PCLO: variants seen among roughly 807,000 people sequenced by gnomAD.
PCLO encodes protein piccolo.
Under a neutral mutation model 427.5 loss-of-function variants are expected in PCLO, and 82 were observed. The ratio of observed to expected loss-of-function variants is 0.19; its 90% CI spans 0.16 to 0.23. The LOEUF (loss-of-function observed/expected upper bound fraction) is 0.23, where lower values mean the gene tolerates loss of function less well. Ranked by LOEUF, PCLO falls within the 10% of genes least tolerant of loss-of-function variation. PCLO has a pLI of 1.00. For missense variants in PCLO, 6,239 were observed against 6,115.9 expected, an observed-to-expected ratio of 1.02 and a Z score of -0.67; for synonymous variants, 2,357 against 2,155.4, an observed-to-expected ratio of 1.09 and a Z score of -2.59.
chr7:83,059,221 A>G (rs1478782999), intron 3 of PCLO, among the ~76,000 whole-genome samples: 1 of 149,316 alleles, frequency 6.7e-6, no homozygotes, highest in Non-Finnish European at 1.5e-5. Context: ...GCACTTGTGG[A>G]ACATACGGTG....
chr7:83,142,280 G>A (rs1791881335), intron 2 of PCLO, among the ~76,000 whole-genome samples: 1 of 152,072 alleles, frequency 6.6e-6, no homozygotes, highest in African/African-American at 2.4e-5. Flanking sequence ...CTTCAATCGT[G>A]CTATTTTCCT....
intron 17 of PCLO, among the ~76,000 whole-genome samples, 163 bp from the exon 18 acceptor site, chr7:82,826,823 A>T (rs576527086): frequency 1.3e-5 from 2 of 152,196 alleles, no homozygotes; most frequent in East Asian, 1.9e-4. Flanking sequence ...ATTAAATATT[A>T]TGTAAAATTT....
chr7:83,007,764 T>C (rs1787984534), intron 3 of PCLO, among the ~76,000 whole-genome samples: 1 of 151,590 alleles, frequency 6.6e-6, no homozygotes, highest in Admixed American at 6.6e-5. Context: ...GTTAGTTCAC[T>C]GAGTAGAACC....
rs1041249927 is a variant in PCLO at position 82,884,603 on chromosome 7, G to T, written c.13529-5141C>A. On this transcript the variant is annotated intron_variant, in intron 9 of 24. Coordinates refer to ENST00000333891, the MANE Select transcript of PCLO (RefSeq NM_033026.6). Reference sequence around the variant, plus strand: ...GAAGCATAAAGACTAAATCTGAAGGGTTTGCCGGATACTTCTATAAAAGGC... The same window carrying T: ...GAAGCATAAAGACTAAATCTGAAGGTTTTGCCGGATACTTCTATAAAAGGC... 3.9e-5 allele frequency among the ~76,000 whole-genome samples: 6 copies of T among 152,048 alleles called. 1 individual carries two copies. The highest frequency in any genetic ancestry group is 3.3e-4 in the Admixed American group (5 of 15,264).
intron 3 of PCLO, among the ~76,000 whole-genome samples, chr7:83,009,792 T>G (rs895523047): frequency 2.0e-5 from 3 of 151,988 alleles, no homozygotes; most frequent in African/African-American, 7.2e-5. Context: ...TCCATACCCA[T>G]TATCTACAGA....
intron 3 of PCLO, among the ~76,000 whole-genome samples, chr7:83,045,294 G>A (rs1789076985): frequency 6.6e-6 from 1 of 152,056 alleles, no homozygotes; most frequent in Admixed American, 6.6e-5. Flanking sequence ...ATTGTATTGG[G>A]GGTGGAGAGA....
At chr7:82,933,994 T>TGA (rs139510730) in intron 6 of PCLO, among the ~76,000 whole-genome samples, 5,771 of 152,042 alleles carry the variant, frequency 0.038, 179 homozygotes, top group East Asian at 0.12. Context: ...TATGTTTACC[T>TGA]CACTTGCCAA....
intron 10 of PCLO, among the ~76,000 whole-genome samples, chr7:82,849,489 G>C (rs967969227): frequency 6.6e-6 from 1 of 152,082 alleles, no homozygotes; most frequent in Non-Finnish European, 1.5e-5. Context: ...ACACCATAGG[G>C]AAGATGACCA....
At chr7:83,067,944 G>C (rs77002794) in intron 3 of PCLO, among the ~76,000 whole-genome samples, 1 of 11,600 alleles carries the variant, frequency 8.6e-5, no homozygotes, top group Non-Finnish European at 1.2e-4. Context: ...CCAAGGTTTT[G>C]TTTACCTTCT....
At chr7:82,985,030 T>C (rs1388147635) in intron 3 of PCLO, among the ~76,000 whole-genome samples, 1 of 151,966 alleles carries the variant, frequency 6.6e-6, no homozygotes, top group Non-Finnish European at 1.5e-5. Context: ...ATTCCTAAAC[T>C]GGAATGTTTT....
At position 82,952,109 on chromosome 7, in the gene PCLO, T is replaced by C. The variant is rs758034111; in HGVS notation, c.8844A>G (p.Pro2948=). 6 of 1,613,950 alleles carry C rather than the reference T, an allele frequency of 3.7e-6. No individual in the cohort carries two copies. The South Asian group carries it at 4.4e-5, about 12-fold the overall frequency. Residue 2948 remains proline, a synonymous_variant, in exon 5 of 25, where the codon CCA becomes CCG. Coordinates refer to ENST00000333891, the MANE Select transcript of PCLO (RefSeq NM_033026.6). The stretch of plus-strand genomic sequence containing the variant: ...GCTGTGCTGTGCAGCTCCTTCCAAA[T>C]GGTAATTTATAAACCACATCACAGC... ...AVCCDVVYKL[P]FGRSCTAQQP... is the part of the protein sequence containing the mutation.
At chr7:82,980,077 C>G (rs1473103945) in intron 3 of PCLO, among the ~76,000 whole-genome samples, 1 of 151,928 alleles carries the variant, frequency 6.6e-6, no homozygotes, top group African/African-American at 2.4e-5. Context: ...AGAACATAGT[C>G]CATTCTGTTT....
intron 7 of PCLO, among the ~76,000 whole-genome samples, chr7:82,912,754 T>C (rs1274938889): frequency 6.6e-6 from 1 of 152,082 alleles, no homozygotes; most frequent in Non-Finnish European, 1.5e-5. Context: ...TATTCTGTTA[T>C]TTTTATATGG....
chr7:82,797,338 G>T (rs962194733), intron 22 of PCLO, among the ~76,000 whole-genome samples: 7 of 152,110 alleles, frequency 4.6e-5, no homozygotes, highest in Admixed American at 2.0e-4. Flanking sequence ...CTACTACATG[G>T]ATGCTCACTG....
At position 82,760,943 on chromosome 7, in the gene PCLO, C is replaced by CTTTTTTTTT. The variant is rs767222339; in HGVS notation, c.15143-168_15143-160dup. 1.5e-3 allele frequency among the ~76,000 whole-genome samples: 89 copies of CTTTTTTTTT among 60,396 alleles called. 8 individuals are homozygous for CTTTTTTTTT. Among genetic ancestry groups the CTTTTTTTTT allele is most frequent in the African/African-American group, 5.5e-3 (85 of 15,340 alleles). The allele number at this position is 60,396 out of a possible 152,430, so 39.6% of individuals were successfully genotyped here. Reference sequence around the variant, plus strand: ...AACATAAAATGATTAAAAGATATGTCTTTTTTTTTTTTTTTTTTTTTTTTT... The same window carrying CTTTTTTTTT: ...AACATAAAATGATTAAAAGATATGTCTTTTTTTTTTTTTTTTTTTTTTTTTTTTTTTTTT... On this transcript the variant is annotated intron_variant, in intron 23 of 24. Coordinates refer to ENST00000333891, the MANE Select transcript of PCLO (RefSeq NM_033026.6).
In PCLO at chr7:82,952,131, C is replaced by T; in HGVS notation, c.8822G>A (p.Cys2941Tyr). ...AAATGGTAATTTATAAACCACATCA[C>T]AGCACACAGCTCTTCTCCCTGCGGT... ...DLTAGRRAVCCDVVYKLPFGR... is the reference protein window; with the variant it reads ...DLTAGRRAVCYDVVYKLPFGR... Residue 2941 changes from cysteine to tyrosine, a missense_variant, in exon 5 of 25, where the codon TGT (cysteine) becomes TAT (tyrosine). Cys to Tyr is a radical substitution (Grantham distance 194, BLOSUM62 -2). This residue lies in a region of PCLO where 4,677 missense variants were observed against 4,468.4 expected (regional missense o/e 1.05). Coordinates refer to ENST00000333891, the MANE Select transcript of PCLO (RefSeq NM_033026.6). The T allele has an allele frequency of 1.2e-6, 2 of 1,613,256 alleles. No homozygotes were observed.
chr7:82,914,546 A>G (rs2116258106), intron 7 of PCLO, 140 bp downstream of exon 7: 1 of 814,432 alleles, frequency 1.2e-6, no homozygotes, highest in East Asian at 2.7e-5. Flanking sequence ...ATTTCCATTT[A>G]CAAGAAATAA....
chr7:82,887,746 C>A (rs1793660589), intron 9 of PCLO, among the ~76,000 whole-genome samples: 1 of 152,146 alleles, frequency 6.6e-6, no homozygotes, highest in Admixed American at 6.6e-5. Flanking sequence ...AGAAGAGATT[C>A]AATCTGAGCT....
At chr7:83,017,821 T>A (rs557014196) in intron 3 of PCLO, 1 of 152,112 alleles carries the variant, frequency 6.6e-6, no homozygotes, top group African/African-American at 2.4e-5. Flanking sequence ...ATATTAACTA[T>A]ACAATTTTGA....
Sources: allele counts gnomAD v4.1 joint callset (sites outside exome capture counted in the v4.1 genomes callset), GRCh38; gene constraint gnomAD v4.1.1; regional missense constraint gnomAD v4.1.1; transcripts MANE v1.5; gene names NCBI Gene and HGNC (gene_info 2026-07-23, HGNC 2026-07-21).